AP4S1: variants seen among roughly 807,000 people sequenced by gnomAD.
AP4S1 encodes AP-4 complex subunit sigma-1.
Under a neutral mutation model 19.8 loss-of-function variants are expected in AP4S1, and 23 were observed. That is an observed-to-expected ratio of 1.16 (90% CI 0.84 to 1.65). AP4S1 has a LOEUF of 1.65. AP4S1 is among the 40% of genes most tolerant of loss of function. The pLI is 0.00. For missense variants in AP4S1, 166 were observed against 172.8 expected (o/e 0.96, Z 0.22); for synonymous variants, 46 against 54.1 (o/e 0.85, Z 0.66).
intron 4 of AP4S1, among the ~76,000 whole-genome samples, chr14:31,074,356 TAAATAAATA>T (rs1458299649): frequency 1.7e-5 from 2 of 120,004 alleles, no homozygotes; most frequent in Non-Finnish European, 3.6e-5. Flanking sequence ...AATAAATAAA[TAAATAAATA>T]AAGTAAGCTG....
intron 1 of AP4S1, among the ~76,000 whole-genome samples, chr14:31,047,811 G>C (rs879643484): frequency 6.6e-6 from 1 of 151,978 alleles, no homozygotes. Context: ...CAAGCCTCCC[G>C]AGTAGTTGGG....
In AP4S1 at chr14:31,095,377, A is replaced by T. The variant is rs1297052519; in HGVS notation, c.*2342A>T. 3 of 152,242 alleles carry T rather than the reference A, an allele frequency of 2.0e-5. No individual in the cohort carries two copies. Among genetic ancestry groups the T allele is most frequent in the African/African-American group, 7.2e-5 (3 of 41,458 alleles). The allele number at this position is 152,242 out of a possible 1,614,324, so 9.4% of individuals were successfully genotyped here. On this transcript the variant is annotated 3_prime_UTR_variant, in exon 6 of 6. Coordinates refer to ENST00000542754, the MANE Select transcript of AP4S1 (RefSeq NM_001128126.3). Reference sequence around the variant, plus strand: ...ACTTTCAAATAATGGATGGTCAGACATTAAGACAGCCCCAGAGAGCCCCTA... The same window carrying T: ...ACTTTCAAATAATGGATGGTCAGACTTTAAGACAGCCCCAGAGAGCCCCTA...
At position 31,062,564 on chromosome 14, in the gene AP4S1, T is replaced by C. The variant is rs1445232819; in HGVS notation, c.-71-3562T>C. On this transcript the variant is annotated intron_variant, in intron 1 of 5. Transcript: ENST00000542754. ...TTCTGTAAAAGATTCATTAGCTTTC[T>C]TTGTATTCTCAGAGGGGTCTGTGTT... Among the ~76,000 whole-genome samples, 3 of 152,262 alleles carry C rather than the reference T, an allele frequency of 2.0e-5. No homozygotes were observed. In the East Asian group the frequency reaches 5.8e-4, roughly 29 times the overall value.
intron 1 of AP4S1, 195 bp downstream of exon 1, chr14:31,025,982 T>C (rs1181944319): frequency 3.2e-6 from 5 of 1,574,620 alleles, no homozygotes; most frequent in Non-Finnish European, 3.4e-6. Flanking sequence ...TGTAGTGCAG[T>C]ATCCCCGGGA....
Position 31,094,269 on chromosome 14 carries a change from A to G in AP4S1, c.*1234A>G, listed in dbSNP as rs1424724004. 6.5e-6 allele frequency: 1 copy of G among 152,776 alleles called. No individual in the cohort carries two copies. The highest frequency in any genetic ancestry group is 2.4e-5 in the African/African-American group (1 of 41,446). The allele number at this position is 152,776 out of a possible 1,614,324, so 9.5% of individuals were successfully genotyped here. On this transcript the variant is annotated 3_prime_UTR_variant, in exon 6 of 6. Coordinates refer to ENST00000542754, the MANE Select transcript of AP4S1 (RefSeq NM_001128126.3). ...CTTTTCACAAGCATGATCATGTTGT[A>G]CTACAACCTTGAACCTTCCTGGCCT...
At chr14:31,083,073 G>A (rs188463817) in intron 5 of AP4S1, among the ~76,000 whole-genome samples, 1 of 152,304 alleles carries the variant, frequency 6.6e-6, no homozygotes, top group Non-Finnish European at 1.5e-5. Flanking sequence ...ATGTATTATA[G>A]TTGGATGAGT....
chr14:31,086,434 G>A (rs1279262155), intron 5 of AP4S1: 1 of 152,396 alleles, frequency 6.6e-6, no homozygotes, highest in Non-Finnish European at 1.5e-5. Flanking sequence ...TTGTTTGTTT[G>A]TTTTTTGAGA....
At chr14:31,033,868 G>T (rs1884561536) in intron 1 of AP4S1, among the ~76,000 whole-genome samples, 1 of 152,322 alleles carries the variant, frequency 6.6e-6, no homozygotes, top group East Asian at 1.9e-4. Flanking sequence ...AGTTTATTCT[G>T]TAATTGTCTC....
intron 2 of AP4S1, among the ~76,000 whole-genome samples, chr14:31,067,927 G>A (rs879821755): frequency 2.6e-4 from 40 of 151,198 alleles, no homozygotes; most frequent in African/African-American, 8.0e-4. Flanking sequence ...GGAGTGCAAC[G>A]GCACGATCTT....
chr14:31,035,459 A>G (rs377733344), intron 1 of AP4S1, among the ~76,000 whole-genome samples: 85 of 151,774 alleles, frequency 5.6e-4, no homozygotes, highest in East Asian at 1.6e-3. Context: ...CCAAAGTGCT[A>G]GGATTACAGG....
chr14:31,067,909 C>T (rs1886811583), intron 2 of AP4S1, among the ~76,000 whole-genome samples: 1 of 151,680 alleles, frequency 6.6e-6, no homozygotes, highest in African/African-American at 2.4e-5. Flanking sequence ...TTTGCTCTTG[C>T]CCAGGCTGGA....
chr14:31,045,553 G>A (rs760903673), intron 1 of AP4S1, among the ~76,000 whole-genome samples: 1 of 152,132 alleles, frequency 6.6e-6, no homozygotes, highest in Non-Finnish European at 1.5e-5. Context: ...ATGATTGTAA[G>A]TTTGCGAGGC....
intron 1 of AP4S1, among the ~76,000 whole-genome samples, chr14:31,028,417 T>C (rs1884177443): frequency 6.6e-6 from 1 of 152,136 alleles, no homozygotes; most frequent in African/African-American, 2.4e-5. Flanking sequence ...GCTCAAGTGG[T>C]CCACCCACCT....
At chr14:31,082,961 G>A (rs1887731048) in intron 5 of AP4S1, among the ~76,000 whole-genome samples, 1 of 151,992 alleles carries the variant, frequency 6.6e-6, no homozygotes, top group Admixed American at 6.6e-5. Flanking sequence ...ATGTTGCCAT[G>A]ACTTTAGGTA....
intron 1 of AP4S1, among the ~76,000 whole-genome samples, chr14:31,042,406 G>A (rs1344413900): frequency 6.6e-6 from 1 of 151,978 alleles, no homozygotes; most frequent in Non-Finnish European, 1.5e-5. Flanking sequence ...ACACACTCTG[G>A]CCATTACCAC....
At chr14:31,033,970 T>G (rs550524263) in intron 1 of AP4S1, among the ~76,000 whole-genome samples, 1 of 152,268 alleles carries the variant, frequency 6.6e-6, no homozygotes, top group South Asian at 2.1e-4. Flanking sequence ...AAAGAAAGGA[T>G]TGCCTGGAGC....
At chr14:31,041,938 C>T (rs1450447964) in intron 1 of AP4S1, among the ~76,000 whole-genome samples, 1 of 152,218 alleles carries the variant, frequency 6.6e-6, no homozygotes, top group Non-Finnish European at 1.5e-5. Context: ...AAGCAATTCC[C>T]CTGCTTCAGC....
chr14:31,047,692 G>C (rs1206650779), intron 1 of AP4S1, among the ~76,000 whole-genome samples: 1 of 152,042 alleles, frequency 6.6e-6, no homozygotes, highest in Non-Finnish European at 1.5e-5. Flanking sequence ...ACCGTGCCCA[G>C]CCTTTGAGAC....
At chr14:31,034,461 C>T (rs966667190) in intron 1 of AP4S1, among the ~76,000 whole-genome samples, 18 of 151,954 alleles carry the variant, frequency 1.2e-4, no homozygotes, top group Non-Finnish European at 2.2e-4. Context: ...TGTGCATAGA[C>T]TTTTTTTGGG....
Sources: gnomAD v4.1 joint callset for allele counts (sites outside exome capture counted in the v4.1 genomes callset) on GRCh38, gnomAD v4.1.1 for gene constraint, MANE v1.5 for transcripts, NCBI Gene and HGNC (gene_info 2026-07-23, HGNC 2026-07-21) for gene names.